Variants in FER1L6 observed in about 807,000 individuals in gnomAD.
FER1L6 encodes fer-1 like family member 6.
FER1L6 carries 177 observed loss-of-function variants against 219.2 expected under a neutral mutation model. The observed-to-expected ratio is 0.81, with a 90% CI of 0.71 to 0.91. The LOEUF (loss-of-function observed/expected upper bound fraction) is 0.91, where lower values mean the gene tolerates loss of function less well. FER1L6 is among the 40% of genes least tolerant of loss of function. The pLI, the probability that FER1L6 is intolerant of heterozygous loss-of-function variation, is 0.00. For missense variants in FER1L6, 2,153 were observed against 2,259.9 expected (o/e 0.95, Z 0.96); for synonymous variants, 768 against 824.3 (o/e 0.93, Z 1.17).
chr8:124,003,055 T>C, intron 12 of FER1L6, 112 bp from the exon 13 acceptor site: 2 of 813,134 alleles, frequency 2.5e-6, no homozygotes, highest in Non-Finnish European at 4.0e-6. Context: ...ACCTTCATAA[T>C]GGGAGCTTAC....
chr8:123,908,606 T>A (rs1356222948), intron 1 of FER1L6, among the ~76,000 whole-genome samples: 1 of 151,906 alleles, frequency 6.6e-6, no homozygotes, highest in Non-Finnish European at 1.5e-5. Context: ...ATTCAACAGG[T>A]TTTTTTTGGT....
intron 28 of FER1L6, among the ~76,000 whole-genome samples, 158 bp downstream of exon 28, chr8:124,067,964 C>T (rs1820896623): frequency 6.6e-6 from 1 of 152,168 alleles, no homozygotes; most frequent in African/African-American, 2.4e-5. Flanking sequence ...AAAATGTGGT[C>T]ATGTAGCTCT....
intron 1 of FER1L6, among the ~76,000 whole-genome samples, chr8:123,872,158 A>G (rs1031513685): frequency 6.6e-5 from 10 of 152,148 alleles, no homozygotes; most frequent in Non-Finnish European, 5.9e-5. Flanking sequence ...TCGAGAATTT[A>G]CTATCATGAG....
chr8:124,107,664 G>A (rs999094484), intron 39 of FER1L6, among the ~76,000 whole-genome samples: 1 of 152,192 alleles, frequency 6.6e-6, no homozygotes, highest in Non-Finnish European at 1.5e-5. Context: ...AAATTCATTT[G>A]TTGAATAGTT....
At chr8:124,078,466 T>C (rs1214746445) in intron 32 of FER1L6, among the ~76,000 whole-genome samples, 1 of 152,190 alleles carries the variant, frequency 6.6e-6, no homozygotes, top group Non-Finnish European at 1.5e-5. Context: ...ACTTTGTCCT[T>C]GCTATGCCCT....
chr8:123,890,435 A>G (rs1812619552), intron 1 of FER1L6, among the ~76,000 whole-genome samples: 1 of 151,734 alleles, frequency 6.6e-6, no homozygotes, highest in African/African-American at 2.4e-5. Flanking sequence ...ATTAACTTAT[A>G]TATACATATA....
At chr8:124,055,176 C>A (rs1000014015) in intron 22 of FER1L6, among the ~76,000 whole-genome samples, 4 of 152,106 alleles carry the variant, frequency 2.6e-5, no homozygotes, top group African/African-American at 7.2e-5. Flanking sequence ...TGGTGGTTCA[C>A]GCCTGTAATC....
intron 1 of FER1L6, among the ~76,000 whole-genome samples, chr8:123,954,522 G>A (rs1814925893): frequency 6.6e-6 from 1 of 152,164 alleles, no homozygotes; most frequent in African/African-American, 2.4e-5. Flanking sequence ...ATCTCCTAGA[G>A]CCTTCCACTC....
rs1812911183 is a variant in FER1L6, at chr8:123,904,231, T to TGTGA, written c.-7-51758_-7-51757insAGTG. ...AGAATAAACTCTGTATATTTGTGTGTGTGTGTGTGTGTGTGTGTGTGTGTG... is the reference window on the plus strand; with the variant it reads ...AGAATAAACTCTGTATATTTGTGTGTGTGAGTGTGTGTGTGTGTGTGTGTGTGTG... On this transcript the variant is annotated intron_variant, in intron 1 of 40. Transcript: ENST00000522917. 4.1e-4 allele frequency among the ~76,000 whole-genome samples: 36 copies of TGTGA among 87,822 alleles called. 1 individual carries two copies. The South Asian group carries it at 0.016, about 40-fold the overall frequency. The allele number at this position is 87,822 out of a possible 152,430, so 57.6% of individuals were successfully genotyped here.
chr8:124,092,382 G>T (rs1186785008), intron 34 of FER1L6, among the ~76,000 whole-genome samples: 2 of 151,934 alleles, frequency 1.3e-5, no homozygotes, highest in Non-Finnish European at 2.9e-5. Context: ...TCAGAAGGTG[G>T]GCAATATTCT....
chr8:124,051,737 G>A (rs1820042501), intron 22 of FER1L6, among the ~76,000 whole-genome samples: 1 of 152,196 alleles, frequency 6.6e-6, no homozygotes, highest in Non-Finnish European at 1.5e-5. Context: ...GAGGAAGGGA[G>A]CAGCTTTGGG....
chr8:123,991,771 G>C (rs1816862274), intron 12 of FER1L6, among the ~76,000 whole-genome samples: 1 of 152,116 alleles, frequency 6.6e-6, no homozygotes, highest in Non-Finnish European at 1.5e-5. Context: ...TCTTGTTCCA[G>C]TTCTTAGGGG....
chr8:124,099,737 C>T (rs1822472063), intron 37 of FER1L6, among the ~76,000 whole-genome samples: 1 of 152,180 alleles, frequency 6.6e-6, no homozygotes, highest in Admixed American at 6.5e-5. Context: ...AGATTCAAGT[C>T]CTTAATACAT....
At chr8:123,927,869 A>G (rs1248750876) in intron 1 of FER1L6, among the ~76,000 whole-genome samples, 1 of 152,190 alleles carries the variant, frequency 6.6e-6, no homozygotes, top group African/African-American at 2.4e-5. Context: ...CCTTCTTGCA[A>G]CTTTATATAT....
At position 123,856,031 on chromosome 8, in the gene FER1L6, A is replaced by G. The variant is rs10097467; in HGVS notation, c.-8+3846A>G. 5.0e-3 allele frequency among the ~76,000 whole-genome samples: 357 copies of G among 70,824 alleles called. 4 individuals carry two copies. The highest frequency in any genetic ancestry group is 0.047 in the Middle Eastern group (4 of 86). The allele number at this position is 70,824 out of a possible 152,430, so 46.5% of individuals were successfully genotyped here. A position where few individuals can be genotyped will look rare whatever the true frequency, so the allele number is the denominator to read the frequency against. On this transcript the variant is annotated intron_variant, in intron 1 of 40. Transcript: ENST00000522917. The stretch of plus-strand genomic sequence containing the variant: ...ATGAGATATATGTATATACATATGT[A>G]TATGAGATATATGTATATACATATG...
In FER1L6 at chr8:124,064,360, G is replaced by A. The variant is rs528870332; in HGVS notation, c.3342G>A (p.Ser1114=). The change falls in exon 26 of 41, where the codon TCG becomes TCA. Residue 1114 remains serine, a synonymous_variant. Coordinates refer to ENST00000522917, the MANE Select transcript of FER1L6 (RefSeq NM_001039112.2). ...GTQPGHDISD[S]LTATESSGAH... is the part of the protein sequence containing the mutation. ...CTTTCATTTCAGATATTTCAGATTC[G>A]CTAACAGCCACTGAGTCCTCTGGAG... 3.7e-6 allele frequency: 6 copies of A among 1,612,534 alleles called. No individual in the cohort carries two copies. The highest frequency in any genetic ancestry group is 1.7e-5 in the Admixed American group (1 of 59,556).
intron 12 of FER1L6, among the ~76,000 whole-genome samples, chr8:123,986,803 A>T (rs535244089): frequency 1.3e-5 from 2 of 152,324 alleles, no homozygotes; most frequent in Admixed American, 6.5e-5. Flanking sequence ...TTCACTTAAC[A>T]TGATAACCTC....
chr8:124,107,487 G>A (rs892542502), intron 39 of FER1L6, among the ~76,000 whole-genome samples: 10 of 152,172 alleles, frequency 6.6e-5, no homozygotes, highest in African/African-American at 2.4e-4. Context: ...GGCTGTGGCA[G>A]TCTGTTTTCC....
chr8:124,076,114 A>G (rs1821275007), intron 31 of FER1L6, 84 bp from the exon 32 acceptor site: 1 of 1,550,118 alleles, frequency 6.5e-7, no homozygotes, highest in South Asian at 1.2e-5. Flanking sequence ...AGGCATTAGC[A>G]TTTTTGAAAG....
Sources: allele counts gnomAD v4.1 joint callset (sites outside exome capture counted in the v4.1 genomes callset), GRCh38; gene constraint gnomAD v4.1.1; transcripts MANE v1.5; gene names NCBI Gene and HGNC (gene_info 2026-07-23, HGNC 2026-07-21).